The following HACL2 variants were observed in gnomAD, a reference collection of about 807,000 sequenced individuals.
The protein encoded by HACL2 is 2-hydroxyacyl-CoA lyase 2, also known as 2-hydroxyacyl-CoA lyase 1 like.
At chr19:15,122,329 G>A in the HACL2 span, among the ~76,000 whole-genome samples, 1 of 152,090 alleles carries the variant, frequency 6.6e-6, no homozygotes, top group Non-Finnish European at 1.5e-5. The surrounding 1 kb of genome is among the most constrained non-coding windows in gnomAD (Gnocchi z 4.0). Flanking sequence ...TTAGGAGGAG[G>A]AAAACGGAGA....
the HACL2 span, chr19:15,124,918 C>T: frequency 1.2e-6 from 2 of 1,601,246 alleles, no homozygotes. Flanking sequence ...CATTCTGTGC[C>T]CCGCACCTTG....
At chr19:15,119,404 C>G in the HACL2 span, 2 of 1,613,982 alleles carry the variant, frequency 1.2e-6, no homozygotes, top group Non-Finnish European at 1.7e-6. Context: ...AAGGGCAGGG[C>G]TGGCGCTTCT....
chr19:15,116,148 T>G, the HACL2 span: 1 of 1,613,398 alleles, frequency 6.2e-7, no homozygotes, highest in Non-Finnish European at 8.5e-7. Context: ...GGGCCCTTCC[T>G]TACCAGGATC....
chr19:15,120,018 C>T, the HACL2 span: 45 of 1,550,140 alleles, frequency 2.9e-5, no homozygotes, highest in Admixed American at 1.8e-4. Flanking sequence ...CCAGGGGCAG[C>T]GGTCCCTCGG....
the HACL2 span, chr19:15,115,101 T>G: frequency 1.2e-6 from 1 of 853,118 alleles, no homozygotes; most frequent in Non-Finnish European, 1.9e-6. Flanking sequence ...AGAGCCTCTC[T>G]GAGATTTGAC....
the HACL2 span, chr19:15,115,294 G>A: frequency 6.2e-7 from 1 of 1,614,178 alleles, no homozygotes. Context: ...TCCTCCCAAT[G>A]AGGATGTTGA....
At chr19:15,124,725 C>A in the HACL2 span, 1 of 686,818 alleles carries the variant, frequency 1.5e-6, no homozygotes. Flanking sequence ...TCCGTGTTCT[C>A]TCTTACCAGT....
chr19:15,123,743 C>G, the HACL2 span: 1 of 607,402 alleles, frequency 1.6e-6, no homozygotes, highest in South Asian at 2.0e-5. This position sits in a 1 kb window ranked among gnomAD's most constrained non-coding sequence, Gnocchi z 5.1. Context: ...AGGCTCAAAC[C>G]AAGGCATAAC....
At chr19:15,121,224 G>A in the HACL2 span, among the ~76,000 whole-genome samples, 1,815 of 152,052 alleles carry the variant, frequency 0.012, 21 homozygotes, top group Non-Finnish European at 0.019. Flanking sequence ...GCACTACTGC[G>A]CTCCAACCTG....
the HACL2 span, chr19:15,119,273 C>A: frequency 6.2e-7 from 1 of 1,608,710 alleles, no homozygotes; most frequent in Non-Finnish European, 8.5e-7. Context: ...TCCAAGGAAG[C>A]AGGGAACACC....
At chr19:15,115,569 T>C in the HACL2 span, 3 of 1,612,248 alleles carry the variant, frequency 1.9e-6, no homozygotes, top group Non-Finnish European at 2.5e-6. Flanking sequence ...CCCTCACCAG[T>C]GTAGGCCAGG....
At chr19:15,122,332 A>G in the HACL2 span, among the ~76,000 whole-genome samples, 1 of 152,224 alleles carries the variant, frequency 6.6e-6, no homozygotes, top group Non-Finnish European at 1.5e-5. This position sits in a 1 kb window ranked among gnomAD's most constrained non-coding sequence, Gnocchi z 4.0. Flanking sequence ...GGAGGAGGAA[A>G]ACGGAGAGGA....
At chr19:15,120,520 A>G in the HACL2 span, among the ~76,000 whole-genome samples, 2 of 152,142 alleles carry the variant, frequency 1.3e-5, no homozygotes, top group Admixed American at 6.5e-5. Flanking sequence ...TTTGCATGGG[A>G]GTTCTGAACA....
the HACL2 span, chr19:15,119,972 G>T: frequency 6.5e-7 from 1 of 1,540,568 alleles, no homozygotes; most frequent in Non-Finnish European, 8.8e-7. Context: ...ACAAAAGAGA[G>T]GCAATTCACC....
At chr19:15,118,252 T>C in the HACL2 span, among the ~76,000 whole-genome samples, 1 of 152,184 alleles carries the variant, frequency 6.6e-6, no homozygotes, top group Non-Finnish European at 1.5e-5. Context: ...ATGGCCATAA[T>C]ATCTCCCACC....
At chr19:15,120,303 C>A in the HACL2 span, among the ~76,000 whole-genome samples, 2 of 152,120 alleles carry the variant, frequency 1.3e-5, no homozygotes, top group Non-Finnish European at 2.9e-5. Flanking sequence ...CTCCACGTAG[C>A]CCCCCAGAAG....
At chr19:15,123,720 T>C in the HACL2 span, 2 of 650,854 alleles carry the variant, frequency 3.1e-6, no homozygotes, top group Non-Finnish European at 5.3e-6. This position sits in a 1 kb window ranked among gnomAD's most constrained non-coding sequence, Gnocchi z 5.1. Context: ...AGGCATATAT[T>C]ATACTACATG....
At chr19:15,116,468 C>G in the HACL2 span, 1 of 1,613,930 alleles carries the variant, frequency 6.2e-7, no homozygotes, top group Non-Finnish European at 8.5e-7. Flanking sequence ...GTCTGGGGCC[C>G]AGGTCTGGCC....
the HACL2 span, chr19:15,120,040 C>T: frequency 1.9e-6 from 3 of 1,550,600 alleles, no homozygotes; most frequent in Non-Finnish European, 2.6e-6. Flanking sequence ...CTGAGGCTCC[C>T]AGGCTCCTGC....
Sources: allele counts gnomAD v4.1 joint callset (sites outside exome capture counted in the v4.1 genomes callset), GRCh38; gene constraint gnomAD v4.1.1; non-coding constraint Gnocchi (gnomAD v3.1); transcripts MANE v1.5; gene names NCBI Gene and HGNC (gene_info 2026-07-23, HGNC 2026-07-21).